Variants in DHX32 observed in about 807,000 individuals in gnomAD.
DHX32 encodes the protein DEAH-box helicase 32 (putative).
DHX32 carries 51 observed loss-of-function variants against 70.0 expected under a neutral mutation model. The ratio of observed to expected loss-of-function variants is 0.73; its 90% CI spans 0.58 to 0.92. The LOEUF is 0.92. DHX32 is among the 40% of genes least tolerant of loss of function. DHX32 has a pLI of 0.00. For missense variants in DHX32, 762 were observed against 891.8 expected (o/e 0.85, Z 1.85); for synonymous variants, 310 against 315.3 (o/e 0.98, Z 0.18).
At chr10:125,881,694 G>A (rs1343486922), upstream of DHX32, among the ~76,000 whole-genome samples, 1 of 152,190 alleles carries the variant, frequency 6.6e-6, no homozygotes, top group Non-Finnish European at 1.5e-5. Context: ...CACCCAGGCT[G>A]GATGCAGTGG....
intron 1 of DHX32, among the ~76,000 whole-genome samples, chr10:125,875,497 C>T (rs1944278958): frequency 6.6e-6 from 1 of 151,976 alleles, no homozygotes; most frequent in African/African-American, 2.4e-5. Flanking sequence ...ACATTATAAC[C>T]CATAGAATAA....
At chr10:125,841,706 T>C in intron 7 of DHX32, 37 bp downstream of exon 7, 1 of 1,592,612 alleles carries the variant, frequency 6.3e-7, no homozygotes, top group South Asian at 1.2e-5. Context: ...CTAGTGCAGA[T>C]TTGCAAAAAA....
At chr10:125,889,501 GT>G (rs1297787174) in intron 1 of DHX32, among the ~76,000 whole-genome samples, 7 of 152,222 alleles carry the variant, frequency 4.6e-5, no homozygotes, top group Non-Finnish European at 8.8e-5. Context: ...TTGTGGCAAG[GT>G]AAAGAGCTTG....
chr10:125,836,503 A>T lies in DHX32; in HGVS notation c.*184T>A. 1 of 1,357,026 alleles carries T rather than the reference A, an allele frequency of 7.4e-7. No individual in the cohort carries two copies. Among genetic ancestry groups the T allele is most frequent in the South Asian group, 1.8e-5 (1 of 55,780 alleles). 84.1% of individuals were successfully genotyped at this position (1,357,026 alleles called of 1,614,324 possible). The stretch of plus-strand genomic sequence containing the variant: ...TCCAAGAAGAAGAAAAGCATGGAGT[A>T]GTAATTTAAAGAACTCAATAAAAAC... On this transcript the variant is annotated 3_prime_UTR_variant, in exon 11 of 11. Coordinates refer to ENST00000284690, the MANE Select transcript of DHX32 (RefSeq NM_018180.3).
chr10:125,886,225 C>A (rs61870699), upstream of DHX32, among the ~76,000 whole-genome samples: 5 of 111,018 alleles, frequency 4.5e-5, no homozygotes, highest in Non-Finnish European at 9.7e-5. Flanking sequence ...GCATAAAGGT[C>A]GTTACCAAAT....
At chr10:125,875,106 C>T (rs760512847) in intron 1 of DHX32, among the ~76,000 whole-genome samples, 1 of 152,008 alleles carries the variant, frequency 6.6e-6, no homozygotes. Context: ...GTAGTCCCAG[C>T]TACTCTAAAG....
intron 2 of DHX32, among the ~76,000 whole-genome samples, chr10:125,862,773 G>A (rs1944198025): frequency 2.0e-5 from 3 of 151,926 alleles, no homozygotes; most frequent in Non-Finnish European, 4.4e-5. Context: ...GATCACTCCA[G>A]CCCAGGAGGA....
upstream of DHX32, among the ~76,000 whole-genome samples, chr10:125,885,546 T>C (rs1944336770): frequency 6.6e-6 from 1 of 152,130 alleles, no homozygotes; most frequent in South Asian, 2.1e-4. Flanking sequence ...AAGAATGATG[T>C]GAGTGACCTC....
chr10:125,871,068 A>G (rs1357385938), intron 1 of DHX32, among the ~76,000 whole-genome samples: 5 of 152,216 alleles, frequency 3.3e-5, no homozygotes, highest in African/African-American at 1.2e-4. Flanking sequence ...TCCAATGATC[A>G]TGAGCCATGT....
chr10:125,858,150 C>G (rs1009302523), intron 3 of DHX32, among the ~76,000 whole-genome samples: 3 of 152,136 alleles, frequency 2.0e-5, no homozygotes, highest in African/African-American at 7.2e-5. Context: ...ATCCTCCCGC[C>G]TCAGCCTCCC....
chr10:125,859,926 A>G lies in DHX32; in HGVS notation c.526T>C (p.Leu176=), dbSNP rs1366115863. ...LQREMMSNPF[L]GSYGVIILDD... ...AAGATGATGACCCCATAGCTACCCA[A>G]AAAAGGATTGGACATCATTTCTCTT... is the stretch of plus-strand genomic sequence containing the variant. The change falls in exon 3 of 11, where the codon TTG becomes CTG. Residue 176 remains leucine, a synonymous_variant. Transcript: ENST00000284690. 6.2e-7 allele frequency: 1 copy of G among 1,611,872 alleles called. No homozygotes were observed. The highest frequency in any genetic ancestry group is 8.5e-7 in the Non-Finnish European group (1 of 1,179,204).
intron 1 of DHX32, among the ~76,000 whole-genome samples, chr10:125,877,097 G>A (rs1261639805): frequency 1.3e-5 from 2 of 152,166 alleles, no homozygotes; most frequent in Non-Finnish European, 2.9e-5. Context: ...TACATTTGGG[G>A]AATCTGGGTG....
At chr10:125,847,178 T>G (rs1944032492) in intron 6 of DHX32, among the ~76,000 whole-genome samples, 1 of 152,132 alleles carries the variant, frequency 6.6e-6, no homozygotes, top group Non-Finnish European at 1.5e-5. Context: ...AACCCATGCA[T>G]TTTTCTTCCT....
chr10:125,852,196 G>A, intron 6 of DHX32, 97 bp downstream of exon 6: 1 of 1,440,488 alleles, frequency 6.9e-7, no homozygotes, highest in Non-Finnish European at 9.4e-7. Context: ...CCATGCTTGT[G>A]TGCATTGCTG....
chr10:125,850,398 C>T (rs1254441697), intron 6 of DHX32, among the ~76,000 whole-genome samples: 1 of 142,450 alleles, frequency 7.0e-6, no homozygotes, highest in Non-Finnish European at 1.5e-5. Context: ...GCTCTTGTTG[C>T]CCAGGCTGCA....
chr10:125,859,495 C>A, intron 3 of DHX32, 108 bp downstream of exon 3: 1 of 1,273,620 alleles, frequency 7.9e-7, no homozygotes, highest in Non-Finnish European at 1.1e-6. Context: ...TGTGATGAAA[C>A]CAAATATTTA....
In DHX32 at chr10:125,881,080, C is replaced by T. The variant is rs1052382368; in HGVS notation, c.-256G>A. ...ATTGTCAATAAACCACACTAAGAAACAAACAAACAAAAAGAGTAAGGAAAA... is the reference window on the plus strand; with the variant it reads ...ATTGTCAATAAACCACACTAAGAAATAAACAAACAAAAAGAGTAAGGAAAA... On this transcript the variant is annotated 5_prime_UTR_variant, in exon 1 of 11. Coordinates refer to ENST00000284690, the MANE Select transcript of DHX32 (RefSeq NM_018180.3). 14 of 365,644 alleles carry T rather than the reference C, an allele frequency of 3.8e-5. No homozygotes were observed. In the South Asian group the frequency reaches 6.2e-4, roughly 16 times the overall value. 22.6% of individuals were successfully genotyped at this position (365,644 alleles called of 1,614,324 possible). A position where few individuals can be genotyped will look rare whatever the true frequency, so the allele number is the denominator to read the frequency against.
intron 1 of DHX32, among the ~76,000 whole-genome samples, chr10:125,879,415 C>T (rs1385009546): frequency 6.6e-6 from 1 of 152,140 alleles, no homozygotes; most frequent in Non-Finnish European, 1.5e-5. Context: ...CATAAGCAAA[C>T]TAAAGTCCAA....
At chr10:125,877,447 G>C (rs1209184776) in intron 1 of DHX32, among the ~76,000 whole-genome samples, 1 of 152,152 alleles carries the variant, frequency 6.6e-6, no homozygotes, top group African/African-American at 2.4e-5. Flanking sequence ...AGCACTTTGG[G>C]AGGTGAAGGT....
Sources: gnomAD v4.1 joint callset for allele counts (sites outside exome capture counted in the v4.1 genomes callset) on GRCh38, gnomAD v4.1.1 for gene constraint, MANE v1.5 for transcripts, NCBI Gene and HGNC (gene_info 2026-07-23, HGNC 2026-07-21) for gene names.